The following TBC1D5 variants were observed in gnomAD, a reference collection of about 807,000 sequenced individuals.
The protein encoded by TBC1D5 is TBC1 domain family, member 5.
TBC1D5 carries 75 observed loss-of-function variants against 100.3 expected under a neutral mutation model. The ratio of observed to expected loss-of-function variants is 0.75; its 90% CI spans 0.62 to 0.91. TBC1D5 has a LOEUF of 0.91. TBC1D5 is among the 40% of genes least tolerant of loss of function. The probability of loss-of-function intolerance (pLI) is 0.00; values close to 1 mark genes in which losing one functional copy is unlikely to be tolerated. For missense variants in TBC1D5, 910 were observed against 942.4 expected (o/e 0.97, Z 0.45); for synonymous variants, 323 against 325.6 (o/e 0.99, Z 0.09).
chr3:17,729,461 A>T (rs754922337), intron 1 of TBC1D5, among the ~76,000 whole-genome samples: 1 of 152,148 alleles, frequency 6.6e-6, no homozygotes. Context: ...TAATCTCAGC[A>T]CTTTGGGAGG....
chr3:17,343,618 G>A (rs1025181190), intron 13 of TBC1D5, among the ~76,000 whole-genome samples: 1 of 151,616 alleles, frequency 6.6e-6, no homozygotes, highest in Non-Finnish European at 1.5e-5. Flanking sequence ...TGGTTGGTAA[G>A]CTATTGATTA....
intron 18 of TBC1D5, among the ~76,000 whole-genome samples, chr3:17,195,889 AGTTATACCC>A (rs1459626587): frequency 4.6e-5 from 7 of 152,064 alleles, no homozygotes; most frequent in African/African-American, 1.7e-4. Context: ...TCATCCCTTA[AGTTATACCC>A]CATCTCTCAC....
chr3:17,478,802 C>T (rs1161788627), intron 3 of TBC1D5, among the ~76,000 whole-genome samples: 1 of 152,128 alleles, frequency 6.6e-6, no homozygotes. Flanking sequence ...CAAGTGATGG[C>T]TACCCTGCTG....
intron 18 of TBC1D5, among the ~76,000 whole-genome samples, chr3:17,199,350 C>G (rs2125773761): frequency 6.6e-6 from 1 of 152,294 alleles, no homozygotes; most frequent in East Asian, 1.9e-4. Flanking sequence ...TATAGTTTGA[C>G]AGTTGTCTAG....
chr3:17,542,400 T>C (rs2096367540), intron 2 of TBC1D5, among the ~76,000 whole-genome samples: 1 of 152,240 alleles, frequency 6.6e-6, no homozygotes, highest in Admixed American at 6.5e-5. Context: ...TAATGTTTTA[T>C]AGAGCCAGGG....
Position 17,453,387 on chromosome 3 carries a change from C to T in TBC1D5, c.98-24868G>A, listed in dbSNP as rs569308732. Reference sequence around the variant, plus strand: ...GAAATAAAAAGTTGGTTTTTTGAAACGATAAAATTGACAAACCTTTAGCCA... The same window carrying T: ...GAAATAAAAAGTTGGTTTTTTGAAATGATAAAATTGACAAACCTTTAGCCA... On this transcript the variant is annotated intron_variant, in intron 3 of 21. Transcript: ENST00000253692. 7.3e-5 allele frequency among the ~76,000 whole-genome samples: 11 copies of T among 151,182 alleles called. 1 individual carries two copies. The South Asian group carries it at 1.9e-3, about 26-fold the overall frequency.
chr3:17,404,669 A>G, intron 7 of TBC1D5, 25 bp downstream of exon 7: 1 of 1,573,592 alleles, frequency 6.4e-7, no homozygotes, highest in South Asian at 1.2e-5. Context: ...AAAGAGGTTA[A>G]GACATGAACA....
At chr3:17,291,045 T>C (rs1451781361) in intron 15 of TBC1D5, among the ~76,000 whole-genome samples, 1 of 152,218 alleles carries the variant, frequency 6.6e-6, no homozygotes, top group Admixed American at 6.5e-5. Flanking sequence ...GCTTTGGCAA[T>C]GGAACCCACA....
chr3:17,398,356 G>A (rs551353659), intron 8 of TBC1D5, among the ~76,000 whole-genome samples: 2 of 152,084 alleles, frequency 1.3e-5, no homozygotes, highest in African/African-American at 4.8e-5. Flanking sequence ...TGGCTGAAGA[G>A]GAAGATAATA....
At chr3:17,731,745 T>G (rs750985531) in intron 1 of TBC1D5, among the ~76,000 whole-genome samples, 16 of 152,064 alleles carry the variant, frequency 1.1e-4, no homozygotes, top group Non-Finnish European at 1.2e-4. Flanking sequence ...TTGAGTTTGA[T>G]GCCTGTACAT....
At chr3:17,640,481 T>C (rs1448628815) in intron 1 of TBC1D5, among the ~76,000 whole-genome samples, 1 of 152,084 alleles carries the variant, frequency 6.6e-6, no homozygotes, top group Non-Finnish European at 1.5e-5. Flanking sequence ...AAAAGAAGAA[T>C]TATTTTAGAA....
chr3:17,208,307 G>A (rs2072507481), intron 18 of TBC1D5, among the ~76,000 whole-genome samples: 1 of 152,242 alleles, frequency 6.6e-6, no homozygotes, highest in African/African-American at 2.4e-5. Flanking sequence ...TGAGTTAGCA[G>A]GGAGGTTCTG....
chr3:17,221,021 T>TTTG (rs376820114), intron 17 of TBC1D5, among the ~76,000 whole-genome samples: 1 of 152,140 alleles, frequency 6.6e-6, no homozygotes, highest in Non-Finnish European at 1.5e-5. Flanking sequence ...GGGATTTTCT[T>TTTG]TTGTTGTTGT....
At chr3:17,734,886 G>C (rs149313018) in intron 1 of TBC1D5, among the ~76,000 whole-genome samples, 2 of 151,456 alleles carry the variant, frequency 1.3e-5, no homozygotes, top group South Asian at 2.1e-4. Context: ...CGACGTTTGA[G>C]ACCAGCCTGG....
chr3:17,410,406 A>C (rs1458565678), intron 4 of TBC1D5, among the ~76,000 whole-genome samples: 1 of 152,174 alleles, frequency 6.6e-6, no homozygotes, highest in African/African-American at 2.4e-5. Context: ...CTGCTAACAC[A>C]ACATCCATTC....
intron 1 of TBC1D5, among the ~76,000 whole-genome samples, chr3:17,695,563 A>G (rs1193992594): frequency 1.3e-5 from 2 of 152,212 alleles, no homozygotes; most frequent in South Asian, 4.1e-4. Flanking sequence ...CTAAATATAT[A>G]TACACCCAAT....
intron 1 of TBC1D5, among the ~76,000 whole-genome samples, chr3:17,677,229 G>A (rs1362714762): frequency 1.3e-5 from 2 of 151,980 alleles, no homozygotes; most frequent in South Asian, 4.2e-4. Flanking sequence ...TATAGAATGG[G>A]AAAAAATTTT....
chr3:17,215,104 C>T (rs938736668), intron 17 of TBC1D5, among the ~76,000 whole-genome samples: 1 of 151,920 alleles, frequency 6.6e-6, no homozygotes, highest in Non-Finnish European at 1.5e-5. Flanking sequence ...AGAAGGGAAG[C>T]TATGGGATGT....
chr3:17,277,498 T>C (rs2080147953), intron 15 of TBC1D5, among the ~76,000 whole-genome samples: 1 of 152,228 alleles, frequency 6.6e-6, no homozygotes, highest in Non-Finnish European at 1.5e-5. Context: ...TGGAAACCCG[T>C]AGGCAAGACT....
Sources: gnomAD v4.1 joint callset for allele counts (sites outside exome capture counted in the v4.1 genomes callset) on GRCh38, gnomAD v4.1.1 for gene constraint, MANE v1.5 for transcripts, NCBI Gene and HGNC (gene_info 2026-07-23, HGNC 2026-07-21) for gene names.